TTLL7: variants seen among roughly 807,000 people sequenced by gnomAD.
The protein encoded by TTLL7 is tubulin tyrosine ligase like 7.
In TTLL7, 53 loss-of-function variants were observed where a neutral mutation model predicts 120.2. The observed-to-expected ratio is 0.44, with a 90% CI of 0.35 to 0.55. The LOEUF is 0.55. Among genes scored for constraint, TTLL7 ranks in the 20% least tolerant of loss-of-function variants. The probability of loss-of-function intolerance (pLI) is 0.00; values close to 1 mark genes in which losing one functional copy is unlikely to be tolerated. For synonymous variants in TTLL7, 353 were observed against 351.7 expected (o/e 1.00, Z -0.04); for missense variants, 803 against 1,054.7 (o/e 0.76, Z 3.31).
intron 1 of TTLL7, 131 bp from the exon 2 acceptor site, chr1:83,952,518 GT>G: frequency 3.6e-6 from 1 of 275,336 alleles, no homozygotes; most frequent in Non-Finnish European, 6.8e-6. Context: ...TTGTAAATCG[GT>G]TTATTAAACC....
intron 1 of TTLL7, 125 bp downstream of exon 1, chr1:83,998,806 G>T: frequency 6.6e-6 from 2 of 300,926 alleles, no homozygotes; most frequent in South Asian, 4.8e-5. Context: ...CTCCCAGCGG[G>T]GACGGTGTCC....
intron 9 of TTLL7, 99 bp downstream of exon 9, chr1:83,933,509 A>G: frequency 7.9e-7 from 1 of 1,270,136 alleles, no homozygotes; most frequent in South Asian, 1.5e-5. Flanking sequence ...CATTCTGGAC[A>G]GTTAATGGGA....
chr1:83,878,818 AT>A (rs1408312649), intron 20 of TTLL7, among the ~76,000 whole-genome samples: 1 of 151,764 alleles, frequency 6.6e-6, no homozygotes, highest in Non-Finnish European at 1.5e-5. Context: ...GCATATTATT[AT>A]TTTTTTCTGA....
intron 1 of TTLL7, among the ~76,000 whole-genome samples, chr1:83,996,282 A>C (rs1653471263): frequency 6.6e-6 from 1 of 152,224 alleles, no homozygotes. Flanking sequence ...AGTACCCAGG[A>C]AACAGACCAT....
rs553746426 is a variant in TTLL7 at position 83,978,897 on chromosome 1, T to C, written c.-177+20034A>G. Among the ~76,000 whole-genome samples the C allele has an allele frequency of 2.2e-4, 33 of 152,308 alleles. No homozygotes were observed. The South Asian group carries it at 6.4e-3, about 30-fold the overall frequency. Reference sequence around the variant, plus strand: ...ATAAATAAACTTGACTCTGAACTGATTCTTAATTTATTCATTAATTCAACA... The same window carrying C: ...ATAAATAAACTTGACTCTGAACTGACTCTTAATTTATTCATTAATTCAACA... On this transcript the variant is annotated intron_variant, in intron 1 of 20. Coordinates refer to ENST00000260505, the MANE Select transcript of TTLL7 (RefSeq NM_024686.6).
intron 1 of TTLL7, among the ~76,000 whole-genome samples, chr1:83,975,581 G>T (rs1029484910): frequency 2.0e-5 from 3 of 152,040 alleles, no homozygotes; most frequent in African/African-American, 7.2e-5. Flanking sequence ...GACTCAAAGG[G>T]GTTTGGTAAC....
At chr1:83,912,350 C>T (rs1036081014) in intron 14 of TTLL7, 5 of 152,094 alleles carry the variant, frequency 3.3e-5, no homozygotes, top group African/African-American at 7.2e-5. Context: ...AGGAAAGGGA[C>T]GTGGGACAGC....
At chr1:83,873,342 G>C (rs926247835) in intron 20 of TTLL7, among the ~76,000 whole-genome samples, 3 of 152,048 alleles carry the variant, frequency 2.0e-5, no homozygotes, top group Non-Finnish European at 4.4e-5. Flanking sequence ...AATATGTCTT[G>C]GGAAATCCAA....
At chr1:83,932,463 A>G (rs770666055) in intron 9 of TTLL7, among the ~76,000 whole-genome samples, 5 of 152,110 alleles carry the variant, frequency 3.3e-5, no homozygotes, top group African/African-American at 1.2e-4. Context: ...TATCTCTAAG[A>G]CCCAGGCTGG....
intron 20 of TTLL7, among the ~76,000 whole-genome samples, chr1:83,872,233 T>A (rs990546428): frequency 2.0e-5 from 3 of 152,190 alleles, no homozygotes; most frequent in African/African-American, 7.2e-5. Flanking sequence ...ACTCAAATCA[T>A]TAAGTTAATA....
At chr1:83,885,247 G>GTC (rs2100715161) in intron 19 of TTLL7, among the ~76,000 whole-genome samples, 1 of 152,042 alleles carries the variant, frequency 6.6e-6, no homozygotes, top group East Asian at 1.9e-4. Context: ...TTTTGGGTAT[G>GTC]TCTATAAAAG....
At chr1:83,891,261 T>C (rs1371959727) in intron 18 of TTLL7, among the ~76,000 whole-genome samples, 1 of 152,118 alleles carries the variant, frequency 6.6e-6, no homozygotes. Context: ...AAAGAATGTT[T>C]ACCAAAATTT....
chr1:83,946,600 T>C (rs1334175918), intron 6 of TTLL7, among the ~76,000 whole-genome samples: 1 of 152,226 alleles, frequency 6.6e-6, no homozygotes, highest in Non-Finnish European at 1.5e-5. Context: ...TCAGTTAACA[T>C]GTCCAGCTCT....
chr1:83,973,646 C>T (rs1651198957), intron 1 of TTLL7, among the ~76,000 whole-genome samples: 1 of 151,972 alleles, frequency 6.6e-6, no homozygotes, highest in Non-Finnish European at 1.5e-5. Flanking sequence ...ATCTATAGAT[C>T]AAGTTGAGAA....
At chr1:83,968,721 A>C (rs576580494) in intron 1 of TTLL7, among the ~76,000 whole-genome samples, 45 of 152,072 alleles carry the variant, frequency 3.0e-4, no homozygotes, top group Non-Finnish European at 5.6e-4. Context: ...ACTGTCAAGG[A>C]AAAATGAGAA....
intron 18 of TTLL7, 152 bp downstream of exon 18, chr1:83,903,927 G>C (rs1656955696): frequency 1.5e-6 from 1 of 649,322 alleles, no homozygotes; most frequent in East Asian, 2.9e-5. Context: ...ACCTAGAAGA[G>C]TGCCTGACAC....
In TTLL7 at chr1:83,892,288, G is replaced by GAA. The variant is rs35707196; in HGVS notation, c.2209-1808_2209-1807insTT. On this transcript the variant is annotated intron_variant, in intron 18 of 20. Coordinates refer to ENST00000260505, the MANE Select transcript of TTLL7 (RefSeq NM_024686.6). ...TATACGAATATATATGAATATATATGTATATATGAATATATATACGAATAT... is the reference window on the plus strand; with the variant it reads ...TATACGAATATATATGAATATATATGAATATATATGAATATATATACGAATAT... Among the ~76,000 whole-genome samples the GAA allele has an allele frequency of 6.6e-3, 377 of 57,314 alleles. 53 individuals are homozygous for GAA. The highest frequency in any genetic ancestry group is 0.01 in the Non-Finnish European group (216 of 21,002). 37.6% of individuals were successfully genotyped at this position (57,314 alleles called of 152,430 possible).
intron 15 of TTLL7, among the ~76,000 whole-genome samples, chr1:83,908,307 A>G (rs1303319698): frequency 6.7e-6 from 1 of 148,750 alleles, no homozygotes; most frequent in Non-Finnish European, 1.5e-5. Context: ...AGGTTAAGTT[A>G]TAGAATTTAG....
chr1:83,897,592 TC>T (rs1656349492), intron 18 of TTLL7, among the ~76,000 whole-genome samples: 1 of 152,070 alleles, frequency 6.6e-6, no homozygotes. Context: ...GCTTACACTC[TC>T]CCAAGATAGT....
Sources: gnomAD v4.1 joint callset for allele counts (sites outside exome capture counted in the v4.1 genomes callset) on GRCh38, gnomAD v4.1.1 for gene constraint, MANE v1.5 for transcripts, NCBI Gene and HGNC (gene_info 2026-07-23, HGNC 2026-07-21) for gene names.